MIPOL1: variants seen among roughly 807,000 people sequenced by gnomAD.
MIPOL1 encodes the protein mirror-image polydactyly gene 1 protein.
A neutral mutation model predicts 60.9 loss-of-function variants in MIPOL1; 57 were observed. The observed-to-expected ratio is 0.94, with a 90% CI of 0.76 to 1.17. The LOEUF (loss-of-function observed/expected upper bound fraction) is 1.17, where lower values mean the gene tolerates loss of function less well. Among genes scored for constraint, MIPOL1 ranks in the 50% most tolerant of loss-of-function variants. The probability of loss-of-function intolerance (pLI) is 0.00; values close to 1 mark genes in which losing one functional copy is unlikely to be tolerated. For synonymous variants in MIPOL1, 179 were observed against 168.8 expected, an observed-to-expected ratio of 1.06 and a Z score of -0.47; for missense variants, 551 against 511.6, an observed-to-expected ratio of 1.08 and a Z score of -0.74.
chr14:37,308,045 CT>C lies in MIPOL1; in HGVS notation c.624-5del. 6.2e-7 allele frequency: 1 copy of C among 1,608,410 alleles called. No individual in the cohort carries two copies. Among genetic ancestry groups the C allele is most frequent in the Non-Finnish European group, 8.5e-7 (1 of 1,176,842 alleles). ...GCTACTGATCAGGCTTTCTGTGTCC[CT>C]TTTTTCTAGGCTAGAAAATATTAAC... On this transcript the variant is annotated splice_polypyrimidine_tract_variant and intron_variant, in intron 7 of 12. Transcript: ENST00000684589.
intron 7 of MIPOL1, among the ~76,000 whole-genome samples, chr14:37,289,663 A>C (rs1004472617): frequency 6.6e-6 from 1 of 152,184 alleles, no homozygotes; most frequent in East Asian, 1.9e-4. Context: ...ATGTTCAGCT[A>C]TTAGGATGCT....
At chr14:37,388,463 G>C in intron 10 of MIPOL1, among the ~76,000 whole-genome samples, 1 of 149,776 alleles carries the variant, frequency 6.7e-6, no homozygotes, top group East Asian at 2.0e-4. Context: ...AACTTCCAGA[G>C]ATTATTTTTG....
intron 3 of MIPOL1, among the ~76,000 whole-genome samples, chr14:37,265,007 A>T (rs1446697684): frequency 6.6e-6 from 1 of 152,128 alleles, no homozygotes; most frequent in Non-Finnish European, 1.5e-5. Context: ...TCATTTCCAG[A>T]TGAGCCATAC....
At chr14:37,274,372 C>A (rs922658170) in intron 6 of MIPOL1, among the ~76,000 whole-genome samples, 2 of 151,324 alleles carry the variant, frequency 1.3e-5, no homozygotes, top group Admixed American at 1.3e-4. Flanking sequence ...GGTTGACTAC[C>A]TTTCTTTTCC....
chr14:37,209,185 T>A (rs1594458002), intron 1 of MIPOL1, among the ~76,000 whole-genome samples: 1 of 152,206 alleles, frequency 6.6e-6, no homozygotes, highest in African/African-American at 2.4e-5. Flanking sequence ...TTGTGACTTC[T>A]TTCTATTTTG....
In MIPOL1 at chr14:37,407,842, C is replaced by CTTTTTTTTTTTTTTTTTTTT. The variant is rs5807951; in HGVS notation, c.937-15011_937-15010insTTTTTTTTTTTTTTTTTTTT. Among the ~76,000 whole-genome samples, 10 of 58,060 alleles carry CTTTTTTTTTTTTTTTTTTTT rather than the reference C, an allele frequency of 1.7e-4. 1 individual carries two copies. Among genetic ancestry groups the CTTTTTTTTTTTTTTTTTTTT allele is most frequent in the East Asian group, 5.9e-4 (1 of 1,694 alleles). 38.1% of individuals were successfully genotyped at this position (58,060 alleles called of 152,430 possible). A position where few individuals can be genotyped will look rare whatever the true frequency, so the allele number is the denominator to read the frequency against. ...ATTTTTTCTTTTCTTTCTTCTTCTTCTTCTTTTTTTTTTTTTTTTTTTTTG... is the reference window on the plus strand; with the variant it reads ...ATTTTTTCTTTTCTTTCTTCTTCTTCTTTTTTTTTTTTTTTTTTTTTTCTTTTTTTTTTTTTTTTTTTTTG... On this transcript the variant is annotated intron_variant, in intron 10 of 12. Transcript: ENST00000684589.
chr14:37,316,063 G>C (rs763114575), intron 9 of MIPOL1, among the ~76,000 whole-genome samples: 1 of 148,824 alleles, frequency 6.7e-6, no homozygotes, highest in Admixed American at 6.7e-5. Context: ...ATCTTGCTCT[G>C]TTGCCCAAGC....
rs1421433507 is a variant in MIPOL1 at position 37,548,319 on chromosome 14, A to G, written c.*1348A>G. 1 of 152,030 alleles carries G rather than the reference A, an allele frequency of 6.6e-6. No individual in the cohort carries two copies. The highest frequency in any genetic ancestry group is 2.4e-5 in the African/African-American group (1 of 41,436). The allele number at this position is 152,030 out of a possible 1,614,324, so 9.4% of individuals were successfully genotyped here. On this transcript the variant is annotated 3_prime_UTR_variant, in exon 13 of 13. Transcript: ENST00000684589. ...CAATTTTTTTTTACTCCACAGGAAAATGTAAGCTACTTTGTCATAGATCAC... is the reference window on the plus strand; with the variant it reads ...CAATTTTTTTTTACTCCACAGGAAAGTGTAAGCTACTTTGTCATAGATCAC...
intron 6 of MIPOL1, among the ~76,000 whole-genome samples, chr14:37,273,314 A>G (rs1276944489): frequency 6.6e-6 from 1 of 150,764 alleles, no homozygotes; most frequent in East Asian, 1.9e-4. Flanking sequence ...TGCCTTTTTC[A>G]GATTTTCTAT....
intron 3 of MIPOL1, 96 bp from the exon 4 acceptor site, chr14:37,266,842 T>C (rs1177361259): frequency 3.7e-6 from 3 of 809,440 alleles, no homozygotes. Context: ...TGTTTAAAGC[T>C]AAAGAGTGTT....
chr14:37,343,237 ATTAAATTGTTGATATTTTG>A (rs1324813790), intron 9 of MIPOL1, among the ~76,000 whole-genome samples: 5 of 152,180 alleles, frequency 3.3e-5, no homozygotes, highest in African/African-American at 1.2e-4. Flanking sequence ...ATTCATCTAA[ATTAAATTGTTGATATTTTG>A]CCAGAGTTTG....
intron 10 of MIPOL1, among the ~76,000 whole-genome samples, chr14:37,376,338 A>G (rs754153766): frequency 6.6e-6 from 1 of 152,174 alleles, no homozygotes; most frequent in Non-Finnish European, 1.5e-5. Flanking sequence ...CTGCCTGTTC[A>G]TCCCTCCTGA....
chr14:37,257,019 G>T (rs1470817694), intron 3 of MIPOL1, among the ~76,000 whole-genome samples: 1 of 151,414 alleles, frequency 6.6e-6, no homozygotes, highest in Non-Finnish European at 1.5e-5. Context: ...AGCAGTTACA[G>T]TTGATTAATG....
chr14:37,331,515 A>G (rs1404846357), intron 9 of MIPOL1, among the ~76,000 whole-genome samples: 2 of 137,112 alleles, frequency 1.5e-5, no homozygotes. Context: ...TAGATATTTT[A>G]TTTTATTTTT....
chr14:37,393,780 A>G (rs2093307790), intron 10 of MIPOL1, among the ~76,000 whole-genome samples: 1 of 150,688 alleles, frequency 6.6e-6, no homozygotes. Flanking sequence ...GATTTGTGAA[A>G]TTTTGGTGCA....
intron 11 of MIPOL1, among the ~76,000 whole-genome samples, chr14:37,431,273 G>A (rs181379670): frequency 6.6e-5 from 10 of 152,150 alleles, no homozygotes; most frequent in South Asian, 2.1e-4. Context: ...TTGATTCATC[G>A]CTTTCTTAAA....
At chr14:37,236,538 G>A (rs1312378437) in intron 1 of MIPOL1, among the ~76,000 whole-genome samples, 1 of 151,488 alleles carries the variant, frequency 6.6e-6, no homozygotes, top group African/African-American at 2.4e-5. Flanking sequence ...CCGGGTTCAA[G>A]CGATTCTCCT....
chr14:37,500,024 A>G lies in MIPOL1; in HGVS notation c.1148A>G (p.Gln383Arg). The change falls in exon 12 of 13, where the codon CAA becomes CGA. Residue 383 changes from glutamine to arginine, a missense_variant. Coordinates refer to ENST00000684589, the MANE Select transcript of MIPOL1 (RefSeq NM_001388067.1). ...RENIVSITQQ[Q>R]NEELATQLQQ... ...AACATTGTTTCCATCACTCAACAAC[A>G]AAATGAGGAACTGGCTACTCAACTG... 3 of 1,614,012 alleles carry G rather than the reference A, an allele frequency of 1.9e-6. No homozygotes were observed. Among genetic ancestry groups the G allele is most frequent in the Non-Finnish European group, 2.5e-6 (3 of 1,179,878 alleles).
chr14:37,308,159 G>A, intron 8 of MIPOL1, 70 bp downstream of exon 8: 1 of 1,435,222 alleles, frequency 7.0e-7, no homozygotes. Flanking sequence ...CAATTGAGTG[G>A]GTTTCAAGAA....
Sources: gnomAD v4.1 joint callset for allele counts (sites outside exome capture counted in the v4.1 genomes callset) on GRCh38, gnomAD v4.1.1 for gene constraint, MANE v1.5 for transcripts, NCBI Gene and HGNC (gene_info 2026-07-23, HGNC 2026-07-21) for gene names.